Variants in USP34 observed in about 807,000 individuals in gnomAD.
The protein encoded by USP34 is ubiquitin specific peptidase 34.
USP34 carries 70 observed loss-of-function variants against 460.3 expected under a neutral mutation model. The observed-to-expected ratio is 0.15, with a 90% CI of 0.13 to 0.19. The LOEUF (loss-of-function observed/expected upper bound fraction) is 0.19, where lower values mean the gene tolerates loss of function less well. Ranked by LOEUF, USP34 falls within the 10% of genes least tolerant of loss-of-function variation. The probability of loss-of-function intolerance (pLI) is 1.00; values close to 1 mark genes in which losing one functional copy is unlikely to be tolerated. For synonymous variants in USP34, 1,647 were observed against 1,405.3 expected, an observed-to-expected ratio of 1.17 and a Z score of -3.85; for missense variants, 3,985 against 4,236.2, an observed-to-expected ratio of 0.94 and a Z score of 1.65.
chr2:61,354,824 A>T (rs1215741494), intron 10 of USP34, among the ~76,000 whole-genome samples: 1 of 152,196 alleles, frequency 6.6e-6, no homozygotes, highest in Non-Finnish European at 1.5e-5. Flanking sequence ...GCTCACACTG[A>T]GGCAGACCCT....
At chr2:61,419,602 G>T (rs1213952881) in intron 2 of USP34, among the ~76,000 whole-genome samples, 2 of 152,128 alleles carry the variant, frequency 1.3e-5, no homozygotes, top group Middle Eastern at 3.2e-3. Flanking sequence ...TTAGGAGAAT[G>T]ATTTTGTTTC....
chr2:61,195,391 A>C (rs1056149184), intron 75 of USP34, among the ~76,000 whole-genome samples: 3 of 144,250 alleles, frequency 2.1e-5, no homozygotes, highest in African/African-American at 7.7e-5. Flanking sequence ...AAAATCAGCC[A>C]GGCTGGGCAT....
chr2:61,377,823 G>A (rs924477327), intron 8 of USP34, among the ~76,000 whole-genome samples: 2 of 152,160 alleles, frequency 1.3e-5, no homozygotes, highest in Non-Finnish European at 2.9e-5. Context: ...AAATTCTCCA[G>A]TATAAACAGT....
chr2:61,291,494 G>A (rs1689851281), intron 33 of USP34, among the ~76,000 whole-genome samples: 1 of 152,156 alleles, frequency 6.6e-6, no homozygotes, highest in Non-Finnish European at 1.5e-5. Flanking sequence ...TGGAAACGAT[G>A]CAGATGTTCA....
chr2:61,411,380 C>CAA (rs35518324), intron 2 of USP34, among the ~76,000 whole-genome samples: 8 of 118,076 alleles, frequency 6.8e-5, no homozygotes, highest in African/African-American at 1.3e-4. Context: ...GATCCTGTCT[C>CAA]AAAAAAAAAA....
chr2:61,302,894 TTCA>T (rs1409415701), intron 27 of USP34, among the ~76,000 whole-genome samples: 3 of 152,200 alleles, frequency 2.0e-5, no homozygotes, highest in African/African-American at 7.2e-5. Context: ...TCACAGTAAT[TTCA>T]TCAAATTTTA....
chr2:61,384,904 G>A (rs1011234634), intron 5 of USP34, among the ~76,000 whole-genome samples: 5 of 151,800 alleles, frequency 3.3e-5, no homozygotes, highest in African/African-American at 4.8e-5. Flanking sequence ...AAAGGCAAAG[G>A]ACTAGAAAGA....
chr2:61,259,287 T>A lies in USP34; in HGVS notation c.5844+424A>T, dbSNP rs570508886. Among the ~76,000 whole-genome samples the A allele has an allele frequency of 4.0e-5, 6 of 151,886 alleles. No individual in the cohort carries two copies. The East Asian group carries it at 1.2e-3, about 29-fold the overall frequency. On this transcript the variant is annotated intron_variant, in intron 44 of 79. Coordinates refer to ENST00000398571, the MANE Select transcript of USP34 (RefSeq NM_014709.4). ...ATAAATAAATAAATAAATAAAAAAG[T>A]AAGAAAAAGAAAGGTACATAGTTAT...
chr2:61,401,149 CAAAAAAA>C (rs60805364), intron 3 of USP34, among the ~76,000 whole-genome samples: 1 of 104,846 alleles, frequency 9.5e-6, no homozygotes, highest in Non-Finnish European at 1.9e-5. Flanking sequence ...GACTCTGTCT[CAAAAAAA>C]AAAAAAAAAA....
intron 1 of USP34, among the ~76,000 whole-genome samples, chr2:61,460,674 T>C (rs1695572505): frequency 6.6e-6 from 1 of 152,020 alleles, no homozygotes. Context: ...AAATCTTACA[T>C]AGAATTTCGA....
At chr2:61,458,545 G>A (rs1470038830) in intron 1 of USP34, among the ~76,000 whole-genome samples, 4 of 111,896 alleles carry the variant, frequency 3.6e-5, no homozygotes, top group African/African-American at 1.4e-4. Flanking sequence ...TGGGCAACAA[G>A]AGTGAAACTG....
At chr2:61,467,812 G>A (rs1446162383) in intron 1 of USP34, among the ~76,000 whole-genome samples, 3 of 151,742 alleles carry the variant, frequency 2.0e-5, no homozygotes, top group South Asian at 2.1e-4. Flanking sequence ...TAGTAGAGAT[G>A]GGGTTTCACC....
Position 61,342,296 on chromosome 2 carries a change from C to CTTTT in USP34, c.2500+1515_2500+1518dup, listed in dbSNP as rs34298126. 2.1e-3 allele frequency among the ~76,000 whole-genome samples: 196 copies of CTTTT among 95,084 alleles called. 6 individuals carry two copies. Among genetic ancestry groups the CTTTT allele is most frequent in the African/African-American group, 4.9e-3 (113 of 23,116 alleles). The allele number at this position is 95,084 out of a possible 152,430, so 62.4% of individuals were successfully genotyped here. A position where few individuals can be genotyped will look rare whatever the true frequency, so the allele number is the denominator to read the frequency against. On this transcript the variant is annotated intron_variant, in intron 16 of 79. Transcript: ENST00000398571. Reference sequence around the variant, plus strand: ...TGAGAGTGTACTTACTGGCCGTTTCCTTTTTTTTTTTTTTTTTTTTTTAAG... The same window carrying CTTTT: ...TGAGAGTGTACTTACTGGCCGTTTCCTTTTTTTTTTTTTTTTTTTTTTTTTTAAG...
chr2:61,263,869 G>A (rs746944390), intron 43 of USP34, among the ~76,000 whole-genome samples: 50 of 152,060 alleles, frequency 3.3e-4, no homozygotes, highest in Admixed American at 5.9e-4. Context: ...GGTTGTTTCT[G>A]CTTGTAAATT....
intron 51 of USP34, among the ~76,000 whole-genome samples, chr2:61,243,073 T>C (rs571080405): frequency 4.1e-4 from 63 of 152,138 alleles, no homozygotes; most frequent in African/African-American, 1.5e-3. Flanking sequence ...CTCGAACTCC[T>C]GACCTCAAGC....
At chr2:61,189,134 G>C (rs1322839297) in intron 78 of USP34, 65 bp from the exon 79 acceptor site, 1 of 1,490,094 alleles carries the variant, frequency 6.7e-7, no homozygotes, top group Non-Finnish European at 9.1e-7. Context: ...GTTGTTTACA[G>C]TTAATTGCAG....
At chr2:61,396,734 C>T (rs1369953475) in intron 3 of USP34, among the ~76,000 whole-genome samples, 2 of 152,024 alleles carry the variant, frequency 1.3e-5, no homozygotes, top group African/African-American at 4.8e-5. Context: ...ATGATCCACC[C>T]GCCTCGGCCT....
At chr2:61,188,737 C>T (rs1376470301) in intron 79 of USP34, 28 bp from the exon 80 acceptor site, 1 of 1,601,088 alleles carries the variant, frequency 6.2e-7, no homozygotes. Context: ...AAAAGGGAAA[C>T]TTCTCTGAAA....
chr2:61,241,138 A>G (rs947216557), intron 53 of USP34, among the ~76,000 whole-genome samples: 2 of 151,950 alleles, frequency 1.3e-5, no homozygotes, highest in African/African-American at 4.8e-5. Flanking sequence ...TCCGCCTCCC[A>G]GGTTCAAGCA....
Sources: gnomAD v4.1 joint callset for allele counts (sites outside exome capture counted in the v4.1 genomes callset) on GRCh38, gnomAD v4.1.1 for gene constraint, MANE v1.5 for transcripts, NCBI Gene and HGNC (gene_info 2026-07-23, HGNC 2026-07-21) for gene names.